HTR1E: variants seen among roughly 807,000 people sequenced by gnomAD.
The protein encoded by HTR1E is 5-hydroxytryptamine receptor 1E, also known as 5-HT-1E.
HTR1E carries 3 observed loss-of-function variants against 3.4 expected under a neutral mutation model. The observed-to-expected ratio is 0.89, with a 90% CI of 0.41 to 2.31. The LOEUF (loss-of-function observed/expected upper bound fraction) is 2.31, where lower values mean the gene tolerates loss of function less well. Ranked by LOEUF, HTR1E falls within the 30% of genes most tolerant of loss-of-function variation. The pLI is 0.05. For synonymous variants in HTR1E, 170 were observed against 182.8 expected (o/e 0.93, Z 0.56); for missense variants, 392 against 467.0 (o/e 0.84, Z 1.48).
At chr6:87,010,984 A>C (rs1768224369) in intron 1 of HTR1E, among the ~76,000 whole-genome samples, 1 of 152,222 alleles carries the variant, frequency 6.6e-6, no homozygotes, top group Non-Finnish European at 1.5e-5. Flanking sequence ...CATAATCAAA[A>C]GGTAGTTTAA....
At chr6:86,967,710 A>G (rs773579023) in intron 1 of HTR1E, among the ~76,000 whole-genome samples, 2 of 152,198 alleles carry the variant, frequency 1.3e-5, no homozygotes, top group Non-Finnish European at 2.9e-5. Context: ...AAAATTCAAG[A>G]TATTATAATA....
chr6:86,982,395 G>A (rs1767727912), intron 1 of HTR1E, among the ~76,000 whole-genome samples: 1 of 152,152 alleles, frequency 6.6e-6, no homozygotes, highest in South Asian at 2.1e-4. Flanking sequence ...TGGGTTTCTT[G>A]GAAATAGATT....
intron 1 of HTR1E, among the ~76,000 whole-genome samples, chr6:86,988,564 A>G (rs1419650078): frequency 6.6e-6 from 1 of 152,176 alleles, no homozygotes; most frequent in Non-Finnish European, 1.5e-5. Context: ...CTTACCTTAG[A>G]AAACCTAAAT....
chr6:86,976,675 C>A (rs980710753), intron 1 of HTR1E, among the ~76,000 whole-genome samples: 10 of 152,170 alleles, frequency 6.6e-5, no homozygotes, highest in Admixed American at 6.5e-5. Flanking sequence ...TCTGATTTTG[C>A]TGCTTTTATA....
intron 1 of HTR1E, among the ~76,000 whole-genome samples, chr6:86,941,621 T>C (rs1768547162): frequency 6.6e-6 from 1 of 152,220 alleles, no homozygotes; most frequent in Non-Finnish European, 1.5e-5. Flanking sequence ...ATCTGGATCA[T>C]TTTAAACTAC....
In HTR1E at chr6:87,009,836, A is replaced by ACC. The variant is rs1247245071; in HGVS notation, c.-185-5306_-185-5305dup. ...GGCGGCTGGCCGGGCGGGGGGACTG[A>ACC]CCCCCCCCCACCTCCCTCCCGGACG... is the stretch of plus-strand genomic sequence containing the variant. On this transcript the variant is annotated intron_variant, in intron 1 of 1. Transcript: ENST00000305344. Among the ~76,000 whole-genome samples the ACC allele has an allele frequency of 9.0e-4, 33 of 36,716 alleles. 1 individual carries two copies. The highest frequency in any genetic ancestry group is 1.9e-3 in the Admixed American group (6 of 3,180). The allele number at this position is 36,716 out of a possible 152,430, so 24.1% of individuals were successfully genotyped here. A position where few individuals can be genotyped will look rare whatever the true frequency, so the allele number is the denominator to read the frequency against.
chr6:86,962,077 A>T (rs1258306841), intron 1 of HTR1E, among the ~76,000 whole-genome samples: 1 of 152,354 alleles, frequency 6.6e-6, no homozygotes, highest in African/African-American at 2.4e-5. Flanking sequence ...TGTACAGCTC[A>T]TGACTGGCAT....
chr6:87,002,477 C>T (rs1768039057), intron 1 of HTR1E, among the ~76,000 whole-genome samples: 1 of 152,220 alleles, frequency 6.6e-6, no homozygotes, highest in Admixed American at 6.5e-5. Context: ...TGTCCGCACC[C>T]ACATCCTGCT....
chr6:86,983,110 A>G (rs1767735935), intron 1 of HTR1E, among the ~76,000 whole-genome samples: 1 of 152,234 alleles, frequency 6.6e-6, no homozygotes, highest in East Asian at 1.9e-4. Context: ...AGCTATTAAT[A>G]CAAATATTCT....
At chr6:86,982,052 A>T (rs1767719956) in intron 1 of HTR1E, among the ~76,000 whole-genome samples, 1 of 152,238 alleles carries the variant, frequency 6.6e-6, no homozygotes, top group Non-Finnish European at 1.5e-5. Flanking sequence ...GGAGAATAAG[A>T]ACCAGGTGGG....
chr6:86,958,338 G>A (rs560053595), intron 1 of HTR1E, among the ~76,000 whole-genome samples: 1 of 152,062 alleles, frequency 6.6e-6, no homozygotes, highest in African/African-American at 2.4e-5. Flanking sequence ...TTTAATTTAC[G>A]AGCCCATGGG....
chr6:86,977,269 T>C (rs912561365), intron 1 of HTR1E, among the ~76,000 whole-genome samples: 1 of 152,214 alleles, frequency 6.6e-6, no homozygotes, highest in African/African-American at 2.4e-5. Context: ...CTTCCACTTA[T>C]AAGTGAGAAC....
At chr6:87,009,846 A>C (rs1256520266) in intron 1 of HTR1E, among the ~76,000 whole-genome samples, 14 of 75,110 alleles carry the variant, frequency 1.9e-4, no homozygotes, top group South Asian at 4.6e-4. Context: ...ACCCCCCCCC[A>C]CCTCCCTCCC....
intron 1 of HTR1E, among the ~76,000 whole-genome samples, chr6:87,014,736 C>T (rs1218004809): frequency 6.6e-5 from 10 of 151,980 alleles, no homozygotes; most frequent in African/African-American, 2.4e-4. Context: ...CTCTCACTCA[C>T]GAGTGGGAGT....
At chr6:86,964,522 A>T (rs1767447929) in intron 1 of HTR1E, among the ~76,000 whole-genome samples, 1 of 150,162 alleles carries the variant, frequency 6.7e-6, no homozygotes, top group Non-Finnish European at 1.5e-5. Flanking sequence ...TGTCTGCAGT[A>T]CTTAAATTCT....
At chr6:86,965,948 A>G (rs1767465496) in intron 1 of HTR1E, among the ~76,000 whole-genome samples, 1 of 152,186 alleles carries the variant, frequency 6.6e-6, no homozygotes, top group Admixed American at 6.5e-5. Flanking sequence ...AGAAATCACT[A>G]CTAAAGAACT....
rs1163093366 is a variant in HTR1E at position 87,016,631 on chromosome 6, G to A, written c.*199G>A. The A allele has an allele frequency of 1.3e-5, 6 of 462,572 alleles. No individual in the cohort carries two copies. Among genetic ancestry groups the A allele is most frequent in the East Asian group, 3.2e-5 (1 of 31,004 alleles). 28.7% of individuals were successfully genotyped at this position (462,572 alleles called of 1,614,324 possible). A position where few individuals can be genotyped will look rare whatever the true frequency, so the allele number is the denominator to read the frequency against. On this transcript the variant is annotated 3_prime_UTR_variant, in exon 2 of 2. Coordinates refer to ENST00000305344, the MANE Select transcript of HTR1E (RefSeq NM_000865.3). Reference sequence around the variant, plus strand: ...TTTGGCGTGCTGTTTTCTACCTCTGGTCTTATCTGTGATACATAATTTCAA... The same window carrying A: ...TTTGGCGTGCTGTTTTCTACCTCTGATCTTATCTGTGATACATAATTTCAA...
intron 1 of HTR1E, among the ~76,000 whole-genome samples, chr6:87,012,344 T>G (rs1262617246): frequency 1.3e-5 from 2 of 152,090 alleles, no homozygotes; most frequent in Non-Finnish European, 2.9e-5. Flanking sequence ...GAGCTAAATA[T>G]TGAATAACAC....
chr6:86,984,902 G>C (rs553581930), intron 1 of HTR1E, among the ~76,000 whole-genome samples: 64 of 152,266 alleles, frequency 4.2e-4, no homozygotes, highest in Non-Finnish European at 8.2e-4. Context: ...GTGGGAGGGG[G>C]AGTGTGTAGA....
Sources: gnomAD v4.1 joint callset for allele counts (sites outside exome capture counted in the v4.1 genomes callset) on GRCh38, gnomAD v4.1.1 for gene constraint, MANE v1.5 for transcripts, NCBI Gene and HGNC (gene_info 2026-07-23, HGNC 2026-07-21) for gene names.